The following ARHGAP25 variants were observed in gnomAD, a reference collection of about 807,000 sequenced individuals.
ARHGAP25 encodes the protein Rho GTPase activating protein 25, also known as rho GTPase-activating protein 25.
In ARHGAP25, 34 loss-of-function variants were observed where a neutral mutation model predicts 71.0. The observed-to-expected ratio is 0.48, with a 90% CI of 0.36 to 0.64. ARHGAP25 has a LOEUF of 0.64. ARHGAP25 is among the 30% of genes least tolerant of loss of function. The pLI is 0.00. For missense variants in ARHGAP25, 706 were observed against 805.1 expected (o/e 0.88, Z 1.49); for synonymous variants, 282 against 296.5 (o/e 0.95, Z 0.50).
At chr2:68,763,336 G>A (rs1676937383) in intron 1 of ARHGAP25, among the ~76,000 whole-genome samples, 1 of 152,170 alleles carries the variant, frequency 6.6e-6, no homozygotes, top group African/African-American at 2.4e-5. Context: ...AAGATTCTCT[G>A]CTGTACTTCA....
chr2:68,783,129 A>G (rs1447973040), intron 3 of ARHGAP25, among the ~76,000 whole-genome samples: 1 of 152,246 alleles, frequency 6.6e-6, no homozygotes. Flanking sequence ...GCAGCGTAGC[A>G]TAGAGGTTAG....
chr2:68,712,189 T>A (rs1674500843), intron 2 of ARHGAP25, among the ~76,000 whole-genome samples: 1 of 152,238 alleles, frequency 6.6e-6, no homozygotes, highest in Non-Finnish European at 1.5e-5. Context: ...GTTTCCTGAC[T>A]TTTTAATAAT....
At chr2:68,762,383 AT>A (rs1676878862) in intron 1 of ARHGAP25, among the ~76,000 whole-genome samples, 1 of 152,150 alleles carries the variant, frequency 6.6e-6, no homozygotes, top group Admixed American at 6.5e-5. Flanking sequence ...AGTAAATTTT[AT>A]GTGTGTTTTA....
At chr2:68,825,620 A>G (rs1682062241) in intron 10 of ARHGAP25, among the ~76,000 whole-genome samples, 1 of 151,990 alleles carries the variant, frequency 6.6e-6, no homozygotes. Context: ...AAAAAAAAAG[A>G]AAAAATTAGC....
At chr2:68,715,455 G>A (rs1674586229) in intron 2 of ARHGAP25, among the ~76,000 whole-genome samples, 1 of 152,170 alleles carries the variant, frequency 6.6e-6, no homozygotes, top group Admixed American at 6.5e-5. Flanking sequence ...ATTGGTTTGG[G>A]GTGGGCACGT....
chr2:68,758,061 G>C (rs1433831497), intron 1 of ARHGAP25, among the ~76,000 whole-genome samples: 1 of 152,012 alleles, frequency 6.6e-6, no homozygotes, highest in Non-Finnish European at 1.5e-5. Context: ...CTTTAGGATA[G>C]TAAGTGTAAT....
At chr2:68,765,317 T>C (rs979186458) in intron 1 of ARHGAP25, among the ~76,000 whole-genome samples, 1 of 151,922 alleles carries the variant, frequency 6.6e-6, no homozygotes, top group African/African-American at 2.4e-5. Context: ...AATGCAGACC[T>C]TGGAAAATAG....
intron 1 of ARHGAP25, among the ~76,000 whole-genome samples, chr2:68,753,100 C>G (rs1286335268): frequency 1.3e-5 from 2 of 152,214 alleles, no homozygotes; most frequent in Admixed American, 1.3e-4. Context: ...TAAAACCACC[C>G]CCCAGTTGAG....
chr2:68,780,122 G>A (rs923617311), intron 2 of ARHGAP25, among the ~76,000 whole-genome samples: 3 of 152,190 alleles, frequency 2.0e-5, no homozygotes, highest in African/African-American at 4.8e-5. Context: ...CTCCAATGGG[G>A]AAGAATAACA....
At chr2:68,784,996 C>T (rs1678647821) in intron 3 of ARHGAP25, among the ~76,000 whole-genome samples, 1 of 152,134 alleles carries the variant, frequency 6.6e-6, no homozygotes, top group South Asian at 2.1e-4. Flanking sequence ...CAGCTAAGAG[C>T]ACAGCTGGAG....
At chr2:68,769,083 T>C (rs1011723145) in intron 1 of ARHGAP25, among the ~76,000 whole-genome samples, 4 of 152,050 alleles carry the variant, frequency 2.6e-5, no homozygotes, top group Non-Finnish European at 5.9e-5. Flanking sequence ...GGGGGCTGAG[T>C]CCTCTCAGTA....
At chr2:68,817,766 C>G in intron 7 of ARHGAP25, 107 bp from the exon 8 acceptor site, 1 of 1,383,914 alleles carries the variant, frequency 7.2e-7, no homozygotes, top group South Asian at 1.3e-5. Context: ...ATTCCTGAGT[C>G]TGGGAGGAAA....
At chr2:68,716,908 A>T (rs1674619248) in intron 2 of ARHGAP25, among the ~76,000 whole-genome samples, 1 of 152,180 alleles carries the variant, frequency 6.6e-6, no homozygotes, top group Admixed American at 6.5e-5. Flanking sequence ...TCAGAATGTG[A>T]CATTCAATAT....
intron 9 of ARHGAP25, chr2:68,819,640 A>G: frequency 5.3e-6 from 3 of 566,094 alleles, no homozygotes; most frequent in Non-Finnish European, 9.4e-6. Context: ...AATGTATACA[A>G]CATTGTAAAT....
At chr2:68,805,838 G>A (rs1020495514) in intron 4 of ARHGAP25, among the ~76,000 whole-genome samples, 2 of 152,182 alleles carry the variant, frequency 1.3e-5, no homozygotes, top group African/African-American at 2.4e-5. Flanking sequence ...GATGTCCTAG[G>A]GATTGAAGTG....
intron 2 of ARHGAP25, among the ~76,000 whole-genome samples, chr2:68,717,380 G>C (rs1013614438): frequency 1.3e-5 from 2 of 152,322 alleles, no homozygotes; most frequent in East Asian, 3.9e-4. Context: ...CAGTATGGGA[G>C]AAGCATTGTG....
At chr2:68,750,197 A>C (rs2104313033) in intron 1 of ARHGAP25, among the ~76,000 whole-genome samples, 1 of 146,022 alleles carries the variant, frequency 6.8e-6, no homozygotes, top group African/African-American at 2.5e-5. Flanking sequence ...CTTTTTGTAG[A>C]GATGAGGTCT....
rs1453296537 is a variant in ARHGAP25, at chr2:68,767,338, A to T, written c.62-7883A>T. Among the ~76,000 whole-genome samples the T allele has an allele frequency of 6.6e-6, 1 of 151,688 alleles. No individual in the cohort carries two copies. The highest frequency in any genetic ancestry group is 2.4e-5 in the African/African-American group (1 of 41,164). On this transcript the variant is annotated intron_variant, in intron 1 of 10. Transcript: ENST00000409202. The surrounding 1 kb of genome is among the most constrained non-coding windows in gnomAD (Gnocchi z 4.6). Reference sequence around the variant, plus strand: ...GAAGTTTCTGAAGTCACATGTCCTAATTTCCTTCTGGGTGGAAACTGAGGG... The same window carrying T: ...GAAGTTTCTGAAGTCACATGTCCTATTTTCCTTCTGGGTGGAAACTGAGGG...
At chr2:68,801,482 C>T (rs1274550559) in intron 4 of ARHGAP25, among the ~76,000 whole-genome samples, 1 of 152,170 alleles carries the variant, frequency 6.6e-6, no homozygotes, top group African/African-American at 2.4e-5. Flanking sequence ...TCACTTGCTG[C>T]TGATAGAGTA....
Sources: gnomAD v4.1 joint callset for allele counts (sites outside exome capture counted in the v4.1 genomes callset) on GRCh38, gnomAD v4.1.1 for gene constraint, Gnocchi (gnomAD v3.1) non-coding constraint, MANE v1.5 for transcripts, NCBI Gene and HGNC (gene_info 2026-07-23, HGNC 2026-07-21) for gene names.